Variants in TRIM36 observed in about 807,000 individuals in gnomAD.
TRIM36 encodes the protein E3 ubiquitin-protein ligase TRIM36.
In TRIM36, 42 loss-of-function variants were observed where a neutral mutation model predicts 72.4. The ratio of observed to expected loss-of-function variants is 0.58; its 90% CI spans 0.45 to 0.75. TRIM36 has a LOEUF of 0.75. Ranked by LOEUF, TRIM36 falls within the 30% of genes least tolerant of loss-of-function variation. The pLI is 0.00. For synonymous variants in TRIM36, 315 were observed against 282.8 expected (o/e 1.11, Z -1.14); for missense variants, 913 against 857.1 (o/e 1.07, Z -0.81).
intron 4 of TRIM36, among the ~76,000 whole-genome samples, chr5:115,141,942 A>G (rs530012716): frequency 6.6e-6 from 1 of 152,164 alleles, no homozygotes; most frequent in Non-Finnish European, 1.5e-5. Context: ...TGTAAGGAAG[A>G]CCTTTTTAAA....
chr5:115,163,373 C>T (rs1001977762), intron 2 of TRIM36, 145 bp downstream of exon 2: 8 of 649,008 alleles, frequency 1.2e-5, no homozygotes, highest in African/African-American at 1.1e-4. Flanking sequence ...GTGGGGGAGG[C>T]CCCTTTATAA....
upstream of TRIM36, among the ~76,000 whole-genome samples, chr5:115,173,070 C>T (rs935001191): frequency 2.0e-5 from 3 of 152,170 alleles, no homozygotes; most frequent in African/African-American, 7.2e-5. Context: ...TTTCCCAGTT[C>T]CCTGATCATT....
At chr5:115,177,900 A>C (rs746788950) in intron 1 of TRIM36, 6 of 1,610,760 alleles carry the variant, frequency 3.7e-6, no homozygotes, top group Non-Finnish European at 5.1e-6. Context: ...AGAGAGAGAG[A>C]GAGCAGAGAA....
intron 1 of TRIM36, among the ~76,000 whole-genome samples, chr5:115,178,320 T>C (rs2126962593): frequency 6.6e-6 from 1 of 152,308 alleles, no homozygotes; most frequent in African/African-American, 2.4e-5. Flanking sequence ...CCAAAGGCAT[T>C]CTTTTTCCTC....
intron 8 of TRIM36, among the ~76,000 whole-genome samples, chr5:115,133,274 C>A (rs764408572): frequency 1.3e-5 from 2 of 152,088 alleles, no homozygotes; most frequent in South Asian, 4.1e-4. Context: ...AATCTTTAGG[C>A]GCTCTATATG....
intron 1 of TRIM36, chr5:115,179,959 G>A (rs749521185): frequency 6.2e-7 from 1 of 1,613,284 alleles, no homozygotes; most frequent in Admixed American, 1.7e-5. Context: ...GCGGCGCCCC[G>A]CGCCTCATCA....
At chr5:115,167,256 C>A (rs1033412020) in intron 1 of TRIM36, among the ~76,000 whole-genome samples, 1 of 152,202 alleles carries the variant, frequency 6.6e-6, no homozygotes, top group Non-Finnish European at 1.5e-5. Context: ...ATGGGGCTCT[C>A]TTCATTAATG....
In TRIM36 at chr5:115,141,332, T is replaced by C; in HGVS notation, c.778A>G (p.Ser260Gly). ...TCAGATATTTGACTCTTCACCTGGCTTTCCTTACCAATAAGGTAATCAATA... is the reference window on the plus strand; with the variant it reads ...TCAGATATTTGACTCTTCACCTGGCCTTCCTTACCAATAAGGTAATCAATA... Reference protein sequence around the residue: ...KDIDYLIGKESQVKSQISELN... With the variant: ...KDIDYLIGKEGQVKSQISELN... Residue 260 changes from serine to glycine, a missense_variant, in exon 5 of 10, where the codon AGC (serine) becomes GGC (glycine). Transcript: ENST00000513154. The C allele has an allele frequency of 6.2e-7, 1 of 1,606,398 alleles. No individual in the cohort carries two copies.
chr5:115,177,353 G>T, intron 1 of TRIM36: 1 of 205,974 alleles, frequency 4.9e-6, no homozygotes, highest in Non-Finnish European at 9.2e-6. Flanking sequence ...GAAATTAAGA[G>T]GATGGTTAAC....
chr5:115,171,341 C>A, upstream of TRIM36: 1 of 1,394,336 alleles, frequency 7.2e-7, no homozygotes, highest in Non-Finnish European at 9.7e-7. Context: ...GTAATAATGC[C>A]TGGGCTGTTC....
At chr5:115,168,213 T>C (rs2126943074) in intron 1 of TRIM36, among the ~76,000 whole-genome samples, 1 of 152,288 alleles carries the variant, frequency 6.6e-6, no homozygotes, top group South Asian at 2.1e-4. Flanking sequence ...TTTAAAAAGG[T>C]GTATAAGCAC....
intron 7 of TRIM36, among the ~76,000 whole-genome samples, chr5:115,134,744 G>A (rs1276802168): frequency 6.6e-6 from 1 of 152,058 alleles, no homozygotes; most frequent in African/African-American, 2.4e-5. Context: ...GTTTCACCGT[G>A]TTAGCCAGGA....
intron 4 of TRIM36, among the ~76,000 whole-genome samples, chr5:115,142,322 C>A (rs772757793): frequency 2.8e-4 from 43 of 152,144 alleles, no homozygotes; most frequent in Non-Finnish European, 4.7e-4. Flanking sequence ...ATAATACCAT[C>A]CCTAACAGGC....
Position 115,133,992 on chromosome 5 carries a change from C to G in TRIM36, c.1366G>C (p.Val456Leu), listed in dbSNP as rs776294473. Residue 456 changes from valine (V) to leucine (L), a missense_variant, in exon 8 of 10, where the codon GTG becomes CTG. Transcript: ENST00000513154. ...DDEMSWNEIE[V>L]CGTSKIIQDL... Reference sequence around the variant, plus strand: ...TGAATTATTTTACTTGTTCCACACACTTCTATCTCATTCCATGACATTTCA... The same window carrying G: ...TGAATTATTTTACTTGTTCCACACAGTTCTATCTCATTCCATGACATTTCA... The G allele has an allele frequency of 6.2e-7, 1 of 1,613,958 alleles. No individual in the cohort carries two copies. The highest frequency in any genetic ancestry group is 1.7e-5 in the Admixed American group (1 of 60,006).
chr5:115,151,959 C>A (rs974705875), intron 2 of TRIM36, among the ~76,000 whole-genome samples: 2 of 152,140 alleles, frequency 1.3e-5, no homozygotes, highest in Non-Finnish European at 2.9e-5. Flanking sequence ...GGTAATATGA[C>A]AAAACAAGGT....
intron 1 of TRIM36, among the ~76,000 whole-genome samples, chr5:115,179,655 C>T (rs1007409606): frequency 6.6e-6 from 1 of 152,252 alleles, no homozygotes; most frequent in Non-Finnish European, 1.5e-5. Context: ...GCCCCCTTGG[C>T]CAACGCCCCG....
chr5:115,131,555 G>A (rs1217231529), intron 8 of TRIM36, among the ~76,000 whole-genome samples: 2 of 152,036 alleles, frequency 1.3e-5, no homozygotes, highest in Admixed American at 1.3e-4. Context: ...CTAGCCAATG[G>A]GGAAACAACA....
chr5:115,125,635 AAT>A lies in TRIM36; in HGVS notation c.*866_*867del, dbSNP rs1172900070. 1.3e-5 allele frequency: 2 copies of A among 152,134 alleles called. No homozygotes were observed. Among genetic ancestry groups the A allele is most frequent in the Non-Finnish European group, 2.9e-5 (2 of 67,956 alleles). The allele number at this position is 152,134 out of a possible 1,614,324, so 9.4% of individuals were successfully genotyped here. On this transcript the variant is annotated 3_prime_UTR_variant, in exon 10 of 10. Coordinates refer to ENST00000513154, the MANE Select transcript of TRIM36 (RefSeq NM_001300759.2). ...AACACAGTAAGGGGGTAAAAGAATA[AAT>A]ATGACTTTTAATATCAGTCCATCTT...
chr5:115,175,853 G>A (rs12657105), intron 1 of TRIM36, among the ~76,000 whole-genome samples: 39,566 of 152,026 alleles, frequency 0.26, 5,237 homozygotes, highest in Middle Eastern at 0.32. Context: ...GGCCGGATGC[G>A]GTGGCTCACC....
Sources: gnomAD v4.1 joint callset for allele counts (sites outside exome capture counted in the v4.1 genomes callset) on GRCh38, gnomAD v4.1.1 for gene constraint, MANE v1.5 for transcripts, NCBI Gene and HGNC (gene_info 2026-07-23, HGNC 2026-07-21) for gene names.